UBA5: variants seen among roughly 807,000 people sequenced by gnomAD.
UBA5 encodes the protein ubiquitin-like modifier-activating enzyme 5.
A neutral mutation model predicts 52.9 loss-of-function variants in UBA5; 28 were observed. The ratio of observed to expected loss-of-function variants is 0.53; its 90% confidence interval spans 0.39 to 0.73. The LOEUF (loss-of-function observed/expected upper bound fraction) is 0.73, where lower values mean the gene tolerates loss of function less well. UBA5 is among the 30% of genes least tolerant of loss of function. The pLI, the probability that UBA5 is intolerant of heterozygous loss-of-function variation, is 0.00. For missense variants in UBA5, 388 were observed against 492.7 expected (o/e 0.79, Z 2.01); for synonymous variants, 135 against 162.1 (o/e 0.83, Z 1.27).
Position 132,660,717 on chromosome 3 carries a change from C to T in UBA5, c.161+19C>T, listed in dbSNP as rs746057341. 1.2e-5 allele frequency: 19 copies of T among 1,520,138 alleles called. No homozygotes were observed. In the South Asian group the frequency reaches 2.3e-4, roughly 18 times the overall value. The allele number at this position is 1,520,138 out of a possible 1,614,324, so 94.2% of individuals were successfully genotyped here. ...CCTACAGGTAACCTGCGTCGCCGGT[C>T]GGAGGCAGGCGCGGGGGACGAGGTC... On this transcript the variant is annotated intron_variant, in intron 1 of 11. Coordinates refer to ENST00000356232, the MANE Select transcript of UBA5 (RefSeq NM_024818.6). The surrounding 1 kb of genome is among the most constrained non-coding windows in gnomAD (Gnocchi z 4.1).
chr3:132,666,583 G>C (rs1312163897), intron 3 of UBA5, among the ~76,000 whole-genome samples: 1 of 152,026 alleles, frequency 6.6e-6, no homozygotes. Context: ...ACCAATCTTA[G>C]ATTTATAAAG....
chr3:132,673,211 A>C (rs1938680102), intron 8 of UBA5, among the ~76,000 whole-genome samples: 1 of 152,186 alleles, frequency 6.6e-6, no homozygotes, highest in Non-Finnish European at 1.5e-5. Flanking sequence ...TGGCTAACAA[A>C]GTATTCCCTT....
In UBA5 at chr3:132,675,332, A is replaced by T. The variant is rs1423980082; in HGVS notation, c.897A>T (p.Pro299=). The part of the protein sequence containing the change: ...QDFFPTMSMK[P]NPQCDDRNCR... ...TTTTTCCTACTATGTCCATGAAGCC[A>T]AATCCTCAGTGTGATGACAGAAATT... The change falls in exon 9 of 12, where the codon CCA becomes CCT. Residue 299 remains proline (P), a synonymous_variant. Transcript: ENST00000356232. The T allele has an allele frequency of 6.2e-7, 1 of 1,613,766 alleles. No individual in the cohort carries two copies. The highest frequency in any genetic ancestry group is 1.1e-5 in the South Asian group (1 of 91,068).
At position 132,679,044 on chromosome 3, in the gene UBA5, T is replaced by G. The variant is rs560673138; in HGVS notation, c.*2518T>G. Among the ~76,000 whole-genome samples the G allele has an allele frequency of 1.3e-5, 2 of 151,532 alleles. No individual in the cohort carries two copies. The highest frequency in any genetic ancestry group is 2.9e-5 in the Non-Finnish European group (2 of 67,888). On this transcript the variant is annotated 3_prime_UTR_variant, in exon 12 of 12. Transcript: ENST00000356232. ...CAGCACTTTGGGAGGCTGAGGTGGG[T>G]AGGTCAAGAGGTCAGGAGTTCGAGA...
chr3:132,671,733 C>A, intron 6 of UBA5, 44 bp from the exon 7 acceptor site: 1 of 1,440,964 alleles, frequency 6.9e-7, no homozygotes, highest in Non-Finnish European at 9.6e-7. Flanking sequence ...TTACTTCTTG[C>A]TCTTTTATTT....
chr3:132,663,343 G>T (rs540441836), intron 1 of UBA5, among the ~76,000 whole-genome samples: 2 of 152,290 alleles, frequency 1.3e-5, no homozygotes, highest in African/African-American at 4.8e-5. Context: ...GGAGAGTAGA[G>T]ATTTCTTCAT....
chr3:132,672,960 C>G (rs2107945159), intron 8 of UBA5, among the ~76,000 whole-genome samples: 1 of 152,228 alleles, frequency 6.6e-6, no homozygotes, highest in African/African-American at 2.4e-5. Flanking sequence ...CTTTAATAAG[C>G]TTAGTTGTAT....
At chr3:132,655,967 A>G (rs1331842941), upstream of UBA5, among the ~76,000 whole-genome samples, 4 of 152,250 alleles carry the variant, frequency 2.6e-5, no homozygotes, top group Admixed American at 2.6e-4. Context: ...GTAAGGCATG[A>G]GGAATAGTAA....
intron 1 of UBA5, among the ~76,000 whole-genome samples, chr3:132,661,712 C>T (rs1051266414): frequency 6.6e-6 from 1 of 152,136 alleles, no homozygotes; most frequent in African/African-American, 2.4e-5. Flanking sequence ...TGAACCGTCT[C>T]CCCAGTAAAA....
intron 1 of UBA5, chr3:132,661,176 C>A: frequency 1.6e-6 from 1 of 636,026 alleles, no homozygotes; most frequent in Non-Finnish European, 2.3e-6. Flanking sequence ...TCGACATTAC[C>A]AAGACTGCCC....
intron 1 of UBA5, chr3:132,661,098 C>A: frequency 1.5e-6 from 1 of 664,936 alleles, no homozygotes; most frequent in Non-Finnish European, 2.3e-6. Context: ...TAAATGGGGT[C>A]GGGGCGGGGG....
chr3:132,656,379 C>G (rs1164507667), upstream of UBA5, among the ~76,000 whole-genome samples: 3 of 152,182 alleles, frequency 2.0e-5, no homozygotes, highest in Non-Finnish European at 4.4e-5. Flanking sequence ...TCATGTGTAT[C>G]TTCCCAACTT....
chr3:132,674,053 T>C (rs1938723953), intron 8 of UBA5, among the ~76,000 whole-genome samples: 2 of 152,224 alleles, frequency 1.3e-5, no homozygotes, highest in African/African-American at 4.8e-5. Context: ...ATTTGTATCA[T>C]AGTTTAGGAG....
Position 132,676,795 on chromosome 3 carries a change from G to A in UBA5, c.*269G>A. The A allele has an allele frequency of 2.0e-6, 1 of 505,358 alleles. No homozygotes were observed. Among genetic ancestry groups the A allele is most frequent in the African/African-American group, 1.9e-5 (1 of 52,204 alleles). 31.3% of individuals were successfully genotyped at this position (505,358 alleles called of 1,614,324 possible). ...TACTTGAAAACATAGCTGTTGAAAT[G>A]TTTTGGCCTTTTGGAGTGGGGGAAG... On this transcript the variant is annotated 3_prime_UTR_variant, in exon 12 of 12. Transcript: ENST00000356232. The surrounding 1 kb of genome is among the most constrained non-coding windows in gnomAD (Gnocchi z 4.1).
upstream of UBA5, chr3:132,660,048 C>A (rs1214070724): frequency 5.2e-6 from 2 of 382,100 alleles, no homozygotes; most frequent in South Asian, 5.7e-5. This position sits in a 1 kb window ranked among gnomAD's most constrained non-coding sequence, Gnocchi z 4.1. Flanking sequence ...GTCATCGTTG[C>A]GGGTAAGGAA....
upstream of UBA5, chr3:132,659,364 T>C (rs1937999280): frequency 1.9e-6 from 1 of 521,820 alleles, no homozygotes. Flanking sequence ...TTAACAAAGA[T>C]TCCTTTGGAT....
At position 132,660,713 on chromosome 3, in the gene UBA5, CG is replaced by C; in HGVS notation, c.161+17del. 6.6e-7 allele frequency: 1 copy of C among 1,525,812 alleles called. No individual in the cohort carries two copies. The highest frequency in any genetic ancestry group is 8.8e-7 in the Non-Finnish European group (1 of 1,130,846). 94.5% of individuals were successfully genotyped at this position (1,525,812 alleles called of 1,614,324 possible). A position where few individuals can be genotyped will look rare whatever the true frequency, so the allele number is the denominator to read the frequency against. On this transcript the variant is annotated intron_variant, in intron 1 of 11. Coordinates refer to ENST00000356232, the MANE Select transcript of UBA5 (RefSeq NM_024818.6). This position sits in a 1 kb window ranked among gnomAD's most constrained non-coding sequence, Gnocchi z 4.1. Reference sequence around the variant, plus strand: ...AATCCCTACAGGTAACCTGCGTCGCCGGTCGGAGGCAGGCGCGGGGGACGAG... The same window carrying C: ...AATCCCTACAGGTAACCTGCGTCGCCGTCGGAGGCAGGCGCGGGGGACGAG...
chr3:132,669,427 T>C (rs1938511909), intron 4 of UBA5, among the ~76,000 whole-genome samples: 1 of 152,024 alleles, frequency 6.6e-6, no homozygotes, highest in South Asian at 2.1e-4. Flanking sequence ...CCACCATGCC[T>C]GGCTAATGTT....
chr3:132,671,605 T>C (rs1319644095), intron 6 of UBA5, among the ~76,000 whole-genome samples, 172 bp from the exon 7 acceptor site: 3 of 152,206 alleles, frequency 2.0e-5, no homozygotes, highest in Non-Finnish European at 4.4e-5. Context: ...CTCTACTCTT[T>C]AAATAGAGTA....
Sources: allele counts gnomAD v4.1 joint callset (sites outside exome capture counted in the v4.1 genomes callset), GRCh38; gene constraint gnomAD v4.1.1; non-coding constraint Gnocchi (gnomAD v3.1); transcripts MANE v1.5; gene names NCBI Gene and HGNC (gene_info 2026-07-23, HGNC 2026-07-21).